Variants in FOXJ3 observed in about 807,000 individuals in gnomAD.
The protein encoded by FOXJ3 is forkhead box J3.
FOXJ3 carries 22 observed loss-of-function variants against 76.1 expected under a neutral mutation model. The observed-to-expected ratio is 0.29, with a 90% CI of 0.21 to 0.41. The LOEUF (loss-of-function observed/expected upper bound fraction) is 0.41. Among genes scored for constraint, FOXJ3 ranks in the 10% least tolerant of loss-of-function variants. The pLI is 1.00. For missense variants in FOXJ3, 613 were observed against 762.1 expected (o/e 0.80, Z 2.30); for synonymous variants, 269 against 261.2 (o/e 1.03, Z -0.29).
chr1:42,179,501 G>A lies in FOXJ3; in HGVS notation c.*209C>T. The A allele has an allele frequency of 2.6e-6, 1 of 385,190 alleles. No homozygotes were observed. The highest frequency in any genetic ancestry group is 4.4e-5 in the South Asian group (1 of 22,482). 23.9% of individuals were successfully genotyped at this position (385,190 alleles called of 1,614,324 possible). On this transcript the variant is annotated 3_prime_UTR_variant, in exon 13 of 13. Coordinates refer to ENST00000361346, the MANE Select transcript of FOXJ3 (RefSeq NM_014947.5). Reference sequence around the variant, plus strand: ...CAGTTAGGAGCTACATAGGGCAGCTGGCAGGGAGACAAACATGTAGTACTT... The same window carrying A: ...CAGTTAGGAGCTACATAGGGCAGCTAGCAGGGAGACAAACATGTAGTACTT...
At position 42,191,361 on chromosome 1, in the gene FOXJ3, C is replaced by T. The variant is rs1376944593; in HGVS notation, c.1293G>A (p.Gln431=). ...GTGCCTGATGTGTTAACGTCTGATG[C>T]TGATGGTTCGGATGGTGCTGTATGT... ...HQHIQHHPNH[Q]HQTLTHQAPP... The change falls in exon 9 of 13, where the codon CAG becomes CAA. Residue 431 remains glutamine, a synonymous_variant. Transcript: ENST00000361346. The T allele has an allele frequency of 1.3e-6, 2 of 1,584,422 alleles. No homozygotes were observed. The highest frequency in any genetic ancestry group is 2.7e-5 in the African/African-American group (2 of 74,420).
intron 3 of FOXJ3, among the ~76,000 whole-genome samples, chr1:42,277,827 A>G (rs1351933580): frequency 7.1e-6 from 1 of 141,838 alleles, no homozygotes; most frequent in African/African-American, 2.7e-5. Context: ...AAAAAAAAAA[A>G]TCTGCTGGGC....
intron 4 of FOXJ3, among the ~76,000 whole-genome samples, chr1:42,234,472 C>T (rs988756914): frequency 3.9e-5 from 6 of 152,256 alleles, no homozygotes; most frequent in South Asian, 4.1e-4. Context: ...GGAGGAGAGG[C>T]GCTCTGATTT....
intron 1 of FOXJ3, among the ~76,000 whole-genome samples, chr1:42,331,694 T>C (rs879455472): frequency 1.3e-5 from 2 of 152,174 alleles, no homozygotes; most frequent in Non-Finnish European, 2.9e-5. Flanking sequence ...TACAAGGCTT[T>C]TTTTTGAAAT....
chr1:42,294,397 T>A (rs1207799970), intron 2 of FOXJ3, among the ~76,000 whole-genome samples: 1 of 152,160 alleles, frequency 6.6e-6, no homozygotes, highest in African/African-American at 2.4e-5. Flanking sequence ...GCTGTTTACC[T>A]AAATTTTCTC....
chr1:42,279,601 G>A (rs765381857), intron 2 of FOXJ3, among the ~76,000 whole-genome samples: 9 of 152,074 alleles, frequency 5.9e-5, no homozygotes, highest in Non-Finnish European at 8.8e-5. Context: ...ACATATCCTC[G>A]AAAAGGGAGA....
At chr1:42,331,127 T>C (rs369017329) in intron 1 of FOXJ3, among the ~76,000 whole-genome samples, 14 of 152,262 alleles carry the variant, frequency 9.2e-5, no homozygotes, top group African/African-American at 3.1e-4. Context: ...ACACCTGTAG[T>C]CTCAGCACTT....
At chr1:42,268,944 A>T (rs1651672531) in intron 3 of FOXJ3, among the ~76,000 whole-genome samples, 1 of 152,140 alleles carries the variant, frequency 6.6e-6, no homozygotes, top group South Asian at 2.1e-4. Flanking sequence ...TAAGGTTATA[A>T]TGAGAATGGG....
At chr1:42,205,976 GA>G in intron 5 of FOXJ3, 113 bp from the exon 6 acceptor site, 1 of 626,504 alleles carries the variant, frequency 1.6e-6, no homozygotes, top group Non-Finnish European at 2.8e-6. Flanking sequence ...CTTTGTTTCT[GA>G]AAATGAATTT....
chr1:42,219,901 A>G (rs1246178264), intron 5 of FOXJ3, among the ~76,000 whole-genome samples: 1 of 152,234 alleles, frequency 6.6e-6, no homozygotes, highest in Non-Finnish European at 1.5e-5. Flanking sequence ...CCTGGGCAAC[A>G]GGCTGAGACT....
At chr1:42,311,650 A>AAAGTAGTAGTAGTAGTAGTAGT (rs1553169326) in intron 1 of FOXJ3, among the ~76,000 whole-genome samples, 1 of 149,414 alleles carries the variant, frequency 6.7e-6, no homozygotes, top group African/African-American at 2.5e-5. Flanking sequence ...TTTAAAAAAA[A>AAAGTAGTAGTAGTAGTAGTAGT]AGTAGTAGTA....
chr1:42,324,356 CAT>C (rs200871735), intron 1 of FOXJ3, among the ~76,000 whole-genome samples: 89,850 of 144,104 alleles, frequency 0.62, 29,534 homozygotes, highest in Admixed American at 0.75. Flanking sequence ...CTATACATAA[CAT>C]ATATACTATA....
At chr1:42,201,199 T>C (rs1180127025) in intron 6 of FOXJ3, among the ~76,000 whole-genome samples, 1 of 152,244 alleles carries the variant, frequency 6.6e-6, no homozygotes, top group Non-Finnish European at 1.5e-5. Flanking sequence ...GTGGCAACTT[T>C]ATTTCTGTCC....
At chr1:42,250,739 T>C (rs1433151859) in intron 4 of FOXJ3, among the ~76,000 whole-genome samples, 1 of 134,176 alleles carries the variant, frequency 7.5e-6, no homozygotes, top group Non-Finnish European at 1.5e-5. Context: ...GAGGTTGCAG[T>C]GAGCAGAGAA....
intron 4 of FOXJ3, among the ~76,000 whole-genome samples, chr1:42,246,362 G>A (rs78477285): frequency 6.6e-6 from 1 of 151,688 alleles, no homozygotes; most frequent in African/African-American, 2.4e-5. Flanking sequence ...TAAAAAGTGG[G>A]CAAAAAAACA....
In FOXJ3 at chr1:42,243,833, G is replaced by A. The variant is rs148324675; in HGVS notation, c.445-15867C>T. Among the ~76,000 whole-genome samples the A allele has an allele frequency of 1.3e-3, 201 of 152,220 alleles. 1 individual carries two copies. Among genetic ancestry groups the A allele is most frequent in the African/African-American group, 4.6e-3 (190 of 41,526 alleles). ...CTTAGAACAAAAGGACCTAAAAAAC[G>A]TCTACCGAATATTTTATCCAACAGC... On this transcript the variant is annotated intron_variant, in intron 4 of 12. Coordinates refer to ENST00000361346, the MANE Select transcript of FOXJ3 (RefSeq NM_014947.5).
chr1:42,287,509 A>C (rs562281627), intron 2 of FOXJ3, among the ~76,000 whole-genome samples: 1 of 152,170 alleles, frequency 6.6e-6, no homozygotes, highest in Non-Finnish European at 1.5e-5. Context: ...CTCTAAGTTA[A>C]AAGTCCAGAA....
intron 2 of FOXJ3, among the ~76,000 whole-genome samples, chr1:42,284,109 G>T (rs1474680804): frequency 1.2e-4 from 19 of 152,048 alleles, no homozygotes; most frequent in Admixed American, 1.2e-3. Context: ...GAATTTTAAC[G>T]TATGTAACGA....
chr1:42,309,776 T>G (rs1405922851), intron 2 of FOXJ3, among the ~76,000 whole-genome samples: 1 of 152,222 alleles, frequency 6.6e-6, no homozygotes. Flanking sequence ...AGATTAGGTT[T>G]AGATTATTTT....
Sources: allele counts gnomAD v4.1 joint callset (sites outside exome capture counted in the v4.1 genomes callset), GRCh38; gene constraint gnomAD v4.1.1; transcripts MANE v1.5; gene names NCBI Gene and HGNC (gene_info 2026-07-23, HGNC 2026-07-21).